The following ERC2 variants were observed in gnomAD, a reference collection of about 807,000 sequenced individuals.
ERC2 encodes ELKS/RAB6-interacting/CAST family member 2, also known as ERC protein 2.
In ERC2, 42 loss-of-function variants were observed where a neutral mutation model predicts 114.8. The observed-to-expected ratio is 0.37, with a 90% CI of 0.29 to 0.47. The LOEUF (loss-of-function observed/expected upper bound fraction) is 0.47, where lower values mean the gene tolerates loss of function less well. Among genes scored for constraint, ERC2 ranks in the 20% least tolerant of loss-of-function variants. The pLI is 0.99. For missense variants in ERC2, 939 were observed against 1,150.7 expected (o/e 0.82, Z 2.66); for synonymous variants, 454 against 425.5 (o/e 1.07, Z -0.82).
intron 13 of ERC2, among the ~76,000 whole-genome samples, chr3:55,936,722 AG>A (rs1198455860): frequency 6.6e-6 from 1 of 152,168 alleles, no homozygotes; most frequent in Non-Finnish European, 1.5e-5. Context: ...GGAGGACAAC[AG>A]GGGGTCCCAA....
intron 7 of ERC2, among the ~76,000 whole-genome samples, chr3:56,079,824 G>A (rs1448223892): frequency 6.6e-6 from 1 of 152,174 alleles, no homozygotes; most frequent in Non-Finnish European, 1.5e-5. Context: ...CAGTTTCTGT[G>A]TTAAGAATAG....
chr3:55,657,150 C>T (rs928954491), intron 17 of ERC2: 5 of 152,164 alleles, frequency 3.3e-5, no homozygotes, highest in Non-Finnish European at 5.9e-5. Flanking sequence ...TTCACTCCCC[C>T]GCTTTTGCCT....
At chr3:56,158,287 T>C (rs2081849300) in intron 4 of ERC2, among the ~76,000 whole-genome samples, 1 of 152,208 alleles carries the variant, frequency 6.6e-6, no homozygotes, top group African/African-American at 2.4e-5. Flanking sequence ...AGGTCATTTA[T>C]TATCCCATAG....
intron 12 of ERC2, among the ~76,000 whole-genome samples, chr3:55,966,923 C>T (rs1032585868): frequency 1.3e-5 from 2 of 152,160 alleles, no homozygotes; most frequent in Non-Finnish European, 2.9e-5. Context: ...CAATCACATG[C>T]ATACATATAT....
chr3:55,679,260 C>T (rs944985833), intron 17 of ERC2, among the ~76,000 whole-genome samples: 2 of 152,160 alleles, frequency 1.3e-5, no homozygotes, highest in Non-Finnish European at 2.9e-5. Flanking sequence ...TCCTTCCCAC[C>T]TCCAGCTTTT....
chr3:55,517,147 T>G (rs1218933469), intron 17 of ERC2, among the ~76,000 whole-genome samples: 1 of 152,066 alleles, frequency 6.6e-6, no homozygotes, highest in Non-Finnish European at 1.5e-5. Flanking sequence ...TTTTAAAAAT[T>G]ATCTAAAAAC....
At chr3:55,583,508 C>T (rs1410607445) in intron 17 of ERC2, among the ~76,000 whole-genome samples, 1 of 51,916 alleles carries the variant, frequency 1.9e-5, no homozygotes, top group Non-Finnish European at 3.9e-5. Flanking sequence ...TCCCTCCCTC[C>T]CTCCCTCCCT....
intron 1 of ERC2, among the ~76,000 whole-genome samples, chr3:56,455,171 C>A (rs2063009214): frequency 6.6e-6 from 1 of 151,262 alleles, no homozygotes; most frequent in African/African-American, 2.4e-5. Flanking sequence ...CCAAACTGTG[C>A]ACTTTAAAAT....
At chr3:55,908,786 G>C (rs2064623880) in intron 13 of ERC2, among the ~76,000 whole-genome samples, 1 of 152,106 alleles carries the variant, frequency 6.6e-6, no homozygotes. Context: ...CTGTGCTCTA[G>C]GTTCTGGGGA....
At chr3:55,641,169 G>T (rs1184334433) in intron 17 of ERC2, among the ~76,000 whole-genome samples, 2 of 152,110 alleles carry the variant, frequency 1.3e-5, no homozygotes, top group African/African-American at 4.8e-5. Flanking sequence ...GCCAAAAGAT[G>T]GTGAAAGACA....
chr3:55,893,467 T>G (rs1288521884), intron 13 of ERC2, among the ~76,000 whole-genome samples: 1 of 152,162 alleles, frequency 6.6e-6, no homozygotes, highest in Non-Finnish European at 1.5e-5. Flanking sequence ...TAACCACCTG[T>G]TGATCACTTC....
In ERC2 at chr3:56,173,478, T is replaced by C. The variant is rs745825371; in HGVS notation, c.1117A>G (p.Thr373Ala). The change falls in exon 4 of 18, where the codon ACG becomes GCG. Residue 373 changes from threonine (T) to alanine (A), a missense_variant. Physicochemically the swap from Thr to Ala is moderately conservative, Grantham distance 58 (BLOSUM62 0). Around this residue, in one of 5 missense-constraint regions of ERC2, gnomAD observed 148 missense variants for 159.1 expected, o/e 0.93. Transcript: ENST00000288221. ...TCGATGACAGTCTGGAGAGCCTTCG[T>C]CTTGGCTGGCTCCGGCTGAAGTTGG... ...RSQLQPEPAK[T>A]KALQTVIEMK... 1.9e-5 allele frequency: 30 copies of C among 1,613,816 alleles called. No individual in the cohort carries two copies. Among genetic ancestry groups the C allele is most frequent in the African/African-American group, 2.7e-5 (2 of 74,924 alleles).
rs116191241 is a variant in ERC2, at chr3:55,735,723, G to A, written c.2565-805C>T. 4.8e-3 allele frequency among the ~76,000 whole-genome samples: 729 copies of A among 152,134 alleles called. 7 individuals are homozygous for A. The highest frequency in any genetic ancestry group is 0.017 in the African/African-American group (704 of 41,502). On this transcript the variant is annotated intron_variant, in intron 14 of 17. Transcript: ENST00000288221. ...CCAAGTAAGCTTCTAGATACTCTGC[G>A]AAAACCCCCCCAAAACTGGGTAGCA...
At chr3:56,163,632 C>T (rs2082170518) in intron 4 of ERC2, among the ~76,000 whole-genome samples, 1 of 151,982 alleles carries the variant, frequency 6.6e-6, no homozygotes, top group African/African-American at 2.4e-5. Context: ...TCCTTTTTAA[C>T]TGTTGTTGGT....
intron 17 of ERC2, among the ~76,000 whole-genome samples, chr3:55,624,693 G>T (rs77114211): frequency 0.012 from 1,875 of 152,282 alleles, 134 homozygotes; most frequent in Admixed American, 0.11. Context: ...TGCAAAATGG[G>T]AATAAGTGTG....
At chr3:56,342,800 G>C (rs1430234779) in intron 2 of ERC2, among the ~76,000 whole-genome samples, 1 of 152,206 alleles carries the variant, frequency 6.6e-6, no homozygotes, top group Admixed American at 6.5e-5. Flanking sequence ...AAACCGAATA[G>C]AGTGGAGTAG....
intron 7 of ERC2, among the ~76,000 whole-genome samples, chr3:56,068,564 A>G (rs1020133112): frequency 6.6e-6 from 1 of 151,946 alleles, no homozygotes; most frequent in African/African-American, 2.4e-5. Flanking sequence ...CTCTGATCTT[A>G]GTTATTTCCT....
intron 2 of ERC2, among the ~76,000 whole-genome samples, chr3:56,372,455 T>G (rs1280263614): frequency 6.6e-6 from 1 of 152,020 alleles, no homozygotes. Flanking sequence ...TGGCCAGGTG[T>G]GGTGGCTCAC....
chr3:56,290,187 T>C (rs1380219553), intron 3 of ERC2, among the ~76,000 whole-genome samples: 3 of 152,178 alleles, frequency 2.0e-5, no homozygotes, highest in East Asian at 1.9e-4. Flanking sequence ...ACTCCAAACA[T>C]AGAGCAATGA....
Sources: allele counts gnomAD v4.1 joint callset (sites outside exome capture counted in the v4.1 genomes callset), GRCh38; gene constraint gnomAD v4.1.1; regional missense constraint gnomAD v4.1.1; transcripts MANE v1.5; gene names NCBI Gene and HGNC (gene_info 2026-07-23, HGNC 2026-07-21).